The following PRDM9 variants were observed in gnomAD, a reference collection of about 807,000 sequenced individuals.
The protein encoded by PRDM9 is histone-lysine N-methyltransferase PRDM9.
In PRDM9, 47 loss-of-function variants were observed where a neutral mutation model predicts 55.6. That is an observed-to-expected ratio of 0.85 (90% CI 0.67 to 1.08). The LOEUF (loss-of-function observed/expected upper bound fraction) is 1.08, where lower values mean the gene tolerates loss of function less well. PRDM9 is among the 50% of genes least tolerant of loss of function. The probability of loss-of-function intolerance (pLI) is 0.00; values close to 1 mark genes in which losing one functional copy is unlikely to be tolerated. For synonymous variants in PRDM9, 312 were observed against 375.7 expected (o/e 0.83, Z 1.96); for missense variants, 867 against 1,040.3 (o/e 0.83, Z 2.29).
intron 10 of PRDM9, 143 bp from the exon 11 acceptor site, chr5:23,526,090 A>T (rs536053097): frequency 6.4e-4 from 615 of 956,914 alleles, no homozygotes; most frequent in Non-Finnish European, 9.1e-4. Flanking sequence ...AATGGACTGT[A>T]AAGGTCCATC....
chr5:23,520,291 G>A (rs1181326731), intron 5 of PRDM9, among the ~76,000 whole-genome samples: 1 of 149,708 alleles, frequency 6.7e-6, no homozygotes, highest in Non-Finnish European at 1.5e-5. Context: ...CTTGAACTTG[G>A]GAGGTGGAGG....
chr5:23,512,025 A>G (rs1739109229), intron 4 of PRDM9, among the ~76,000 whole-genome samples: 1 of 152,098 alleles, frequency 6.6e-6, no homozygotes, highest in Non-Finnish European at 1.5e-5. Context: ...ACATCATAGA[A>G]CAATGAAAGC....
chr5:23,521,456 G>T (rs1246346024), intron 6 of PRDM9, among the ~76,000 whole-genome samples: 1 of 152,206 alleles, frequency 6.6e-6, no homozygotes, highest in Non-Finnish European at 1.5e-5. Context: ...TCTTGCCTCA[G>T]TCACCCGAGT....
chr5:23,520,554 T>C (rs1462752662), intron 5 of PRDM9, among the ~76,000 whole-genome samples: 1 of 151,998 alleles, frequency 6.6e-6, no homozygotes, highest in African/African-American at 2.4e-5. Flanking sequence ...TTTTCTTGGT[T>C]GTCTAGATAT....
chr5:23,518,564 C>A (rs1448042300), intron 5 of PRDM9, among the ~76,000 whole-genome samples: 1 of 152,156 alleles, frequency 6.6e-6, no homozygotes, highest in Non-Finnish European at 1.5e-5. Context: ...GGGTCCCTAC[C>A]CTCATAAGGG....
intron 4 of PRDM9, among the ~76,000 whole-genome samples, chr5:23,515,324 G>T (rs1739190485): frequency 6.6e-6 from 1 of 152,074 alleles, no homozygotes; most frequent in Non-Finnish European, 1.5e-5. Flanking sequence ...TGCTCTGGCT[G>T]GTCTCGAACT....
intron 1 of PRDM9, among the ~76,000 whole-genome samples, chr5:23,508,504 T>G (rs1019929928): frequency 2.6e-5 from 4 of 152,262 alleles, no homozygotes; most frequent in African/African-American, 9.6e-5. Context: ...TTTTCTAGAA[T>G]CCTCAGGTAG....
At position 23,526,366 on chromosome 5, in the gene PRDM9, A is replaced by G. The variant is rs186121405; in HGVS notation, c.1278A>G (p.Gln426=). 1,022 of 1,614,178 alleles carry G rather than the reference A, an allele frequency of 6.3e-4. 10 individuals are homozygous for G. In the African/African-American group the frequency reaches 0.012, roughly 20 times the overall value. The stretch of plus-strand genomic sequence containing the variant: ...GACCATCTGCAAGAAAACTCCTCCA[A>G]CCAGAGAATCCCTGCCCAGGGGATC... The part of the protein sequence containing the change: ...FPGPSARKLL[Q]PENPCPGDQN... The change falls in exon 11 of 11, where the codon CAA becomes CAG. Residue 426 remains glutamine (Q), a synonymous_variant. Transcript: ENST00000296682.
rs567361176 is a variant in PRDM9 at position 23,508,239 on chromosome 5, C to G, written c.-85+527C>G. On this transcript the variant is annotated intron_variant, in intron 1 of 10. Coordinates refer to ENST00000296682, the MANE Select transcript of PRDM9 (RefSeq NM_020227.4). The stretch of plus-strand genomic sequence containing the variant: ...CAAATCCCCTTAACCTGATGAATCT[C>G]AAATCCTGTCAGCTTGAGCACTCCA... Among the ~76,000 whole-genome samples, 9 of 152,138 alleles carry G rather than the reference C, an allele frequency of 5.9e-5. No homozygotes were observed. The South Asian group carries it at 1.9e-3, about 32-fold the overall frequency.
intron 10 of PRDM9, 144 bp downstream of exon 10, chr5:23,524,671 A>T: frequency 1.7e-6 from 2 of 1,193,746 alleles, no homozygotes; most frequent in Non-Finnish European, 2.4e-6. Context: ...TTAAACATTC[A>T]TGTTATATAC....
chr5:23,513,251 G>A, intron 4 of PRDM9, among the ~76,000 whole-genome samples: 1 of 152,258 alleles, frequency 6.6e-6, no homozygotes, highest in East Asian at 1.9e-4. Context: ...CCACTACTAT[G>A]GTTTGAATGT....
At position 23,522,386 on chromosome 5, in the gene PRDM9, G is replaced by T. The variant is rs201252353; in HGVS notation, c.591G>T (p.Pro197=). 3 of 1,613,740 alleles carry T rather than the reference G, an allele frequency of 1.9e-6. No homozygotes were observed. The highest frequency in any genetic ancestry group is 1.7e-5 in the Admixed American group (1 of 59,998). ...KGHAYKEVSE[P]QDDDYLYCEM... is the part of the protein sequence containing the mutation. ...ATGCATACAAAGAGGTCAGCGAGCC[G>T]CAGGATGATGATTACCTCTGTAAGT... Residue 197 remains proline, a synonymous_variant, in exon 7 of 11, where the codon CCG becomes CCT. Coordinates refer to ENST00000296682, the MANE Select transcript of PRDM9 (RefSeq NM_020227.4).
In PRDM9 at chr5:23,519,614, G is replaced by C. The variant is rs148796740; in HGVS notation, c.352-1409G>C. ...GACCTGAGGTGATCCGCCTGCCTTGGCCTCCCAAAGTGCTGGGATTACAGG... is the reference window on the plus strand; with the variant it reads ...GACCTGAGGTGATCCGCCTGCCTTGCCCTCCCAAAGTGCTGGGATTACAGG... On this transcript the variant is annotated intron_variant, in intron 5 of 10. Coordinates refer to ENST00000296682, the MANE Select transcript of PRDM9 (RefSeq NM_020227.4). Among the ~76,000 whole-genome samples, 127 of 152,144 alleles carry C rather than the reference G, an allele frequency of 8.3e-4. No individual in the cohort carries two copies. The East Asian group carries it at 0.024, about 29-fold the overall frequency.
chr5:23,509,441 T>C, intron 2 of PRDM9, 29 bp from the exon 3 acceptor site: 1 of 1,614,026 alleles, frequency 6.2e-7, no homozygotes, highest in Non-Finnish European at 8.5e-7. Context: ...TACTAGTAAA[T>C]CACTGATGGA....
chr5:23,517,472 T>A (rs1739237177), intron 4 of PRDM9, among the ~76,000 whole-genome samples: 1 of 152,104 alleles, frequency 6.6e-6, no homozygotes, highest in Admixed American at 6.6e-5. Flanking sequence ...TGATTCAGAA[T>A]TCTCTGTCTC....
At position 23,527,698 on chromosome 5, in the gene PRDM9, C is replaced by T. The variant is rs1189953454; in HGVS notation, c.2610C>T (p.Ser870=). 1 of 1,578,784 alleles carries T rather than the reference C, an allele frequency of 6.3e-7. No individual in the cohort carries two copies. Among genetic ancestry groups the T allele is most frequent in the East Asian group, 2.4e-5 (1 of 41,770 alleles). ...YVCRECGRGF[S]DRSSLCYHQR... ...GCAGGGAGTGTGGGCGGGGCTTTAG[C>T]GATAGGTCAAGCCTCTGCTATCACC... Residue 870 remains serine (S), a synonymous_variant, in exon 11 of 11, where the codon AGC becomes AGT. Coordinates refer to ENST00000296682, the MANE Select transcript of PRDM9 (RefSeq NM_020227.4).
intron 4 of PRDM9, among the ~76,000 whole-genome samples, chr5:23,511,334 TTTG>T (rs759976401): frequency 1.3e-5 from 2 of 151,908 alleles, no homozygotes; most frequent in Non-Finnish European, 1.5e-5. Flanking sequence ...TGTTTGTTTG[TTTG>T]TTGTTTTTGT....
Position 23,526,809 on chromosome 5 carries a change from A to G in PRDM9, c.1721A>G (p.His574Arg). The G allele has an allele frequency of 6.3e-7, 1 of 1,586,812 alleles. No homozygotes were observed. The highest frequency in any genetic ancestry group is 8.6e-7 in the Non-Finnish European group (1 of 1,167,768). The change falls in exon 11 of 11, where the codon CAC (histidine) becomes CGC (arginine). Residue 574 changes from histidine to arginine, a missense_variant. Coordinates refer to ENST00000296682, the MANE Select transcript of PRDM9 (RefSeq NM_020227.4). ...CACCTCCTCATTCACCAGAGGATAC[A>G]CACAGGGGAGAAGCCCTATGTCTGC... Reference protein sequence around the residue: ...KSHLLIHQRIHTGEKPYVCRE... With the variant: ...KSHLLIHQRIRTGEKPYVCRE...
chr5:23,522,517 T>G, intron 7 of PRDM9, 97 bp from the exon 8 acceptor site: 1 of 1,590,898 alleles, frequency 6.3e-7, no homozygotes, highest in South Asian at 1.1e-5. Context: ...AGTACAGGAT[T>G]AGGGCTAAAT....
Sources: allele counts gnomAD v4.1 joint callset (sites outside exome capture counted in the v4.1 genomes callset), GRCh38; gene constraint gnomAD v4.1.1; transcripts MANE v1.5; gene names NCBI Gene and HGNC (gene_info 2026-07-23, HGNC 2026-07-21).